The following ABLIM1 variants were observed in gnomAD, a reference collection of about 807,000 sequenced individuals.
The protein encoded by ABLIM1 is actin binding LIM protein 1.
In ABLIM1, 40 loss-of-function variants were observed where a neutral mutation model predicts 107.0. The ratio of observed to expected loss-of-function variants is 0.37; its 90% CI spans 0.29 to 0.49. The LOEUF (loss-of-function observed/expected upper bound fraction) is 0.49. ABLIM1 is among the 20% of genes least tolerant of loss of function. The pLI, the probability that ABLIM1 is intolerant of heterozygous loss-of-function variation, is 0.97. For missense variants in ABLIM1, 857 were observed against 1,008.5 expected (o/e 0.85, Z 2.04); for synonymous variants, 357 against 357.3 (o/e 1.00, Z 0.01).
intron 6 of ABLIM1, among the ~76,000 whole-genome samples, chr10:114,541,899 A>AAC (rs66907896): frequency 0.16 from 24,665 of 150,528 alleles, 2,510 homozygotes; most frequent in East Asian, 0.29. Flanking sequence ...GAAGGGAATC[A>AAC]ACACACACAC....
intron 1 of ABLIM1, among the ~76,000 whole-genome samples, chr10:114,675,439 C>G (rs1436534444): frequency 1.3e-5 from 2 of 152,200 alleles, no homozygotes; most frequent in East Asian, 3.9e-4. Context: ...TGAACATGGT[C>G]TCTTGCCTGC....
chr10:114,644,446 C>T (rs367688510), intron 1 of ABLIM1, among the ~76,000 whole-genome samples: 74 of 149,958 alleles, frequency 4.9e-4, no homozygotes, highest in African/African-American at 1.7e-3. Flanking sequence ...CATGAAAATG[C>T]CATGGAATTC....
chr10:114,445,017 A>G (rs727532), intron 16 of ABLIM1, among the ~76,000 whole-genome samples: 25,274 of 152,200 alleles, frequency 0.17, 2,208 homozygotes, highest in African/African-American at 0.21. Flanking sequence ...CAACACATGC[A>G]CTGCACACAT....
rs1045552534 is a variant in ABLIM1 at position 114,516,950 on chromosome 10, G to A, written c.895-25072C>T. ...GCAGTTCTGGCTGGTGCTTTTCTGG[G>A]ACCTGCGATTAACTAATAGTAGATG... is the stretch of plus-strand genomic sequence containing the variant. On this transcript the variant is annotated intron_variant, in intron 6 of 22. Coordinates refer to ENST00000533213, the MANE Select transcript of ABLIM1 (RefSeq NM_002313.7). Among the ~76,000 whole-genome samples, 7 of 152,204 alleles carry A rather than the reference G, an allele frequency of 4.6e-5. No individual in the cohort carries two copies. In the East Asian group the frequency reaches 1.4e-3, roughly 29 times the overall value.
intron 1 of ABLIM1, among the ~76,000 whole-genome samples, chr10:114,747,792 C>T (rs1298094024): frequency 6.6e-6 from 1 of 152,232 alleles, no homozygotes; most frequent in Non-Finnish European, 1.5e-5. Context: ...GTAATCCCAG[C>T]ACTTTGGGAG....
At chr10:114,481,439 A>G (rs61870098) in intron 8 of ABLIM1, among the ~76,000 whole-genome samples, 2,675 of 151,502 alleles carry the variant, frequency 0.018, 43 homozygotes, top group East Asian at 0.059. Flanking sequence ...ATATAAGGTG[A>G]CTGACACCTT....
intron 6 of ABLIM1, among the ~76,000 whole-genome samples, chr10:114,538,816 T>C (rs2066319363): frequency 6.6e-6 from 1 of 152,116 alleles, no homozygotes; most frequent in Non-Finnish European, 1.5e-5. Context: ...TTGTCCTGAG[T>C]GAACCAGTGC....
At chr10:114,732,184 T>C (rs909776781) in intron 1 of ABLIM1, among the ~76,000 whole-genome samples, 70 of 124,370 alleles carry the variant, frequency 5.6e-4, no homozygotes, top group Admixed American at 9.4e-4. Context: ...TCTTTTCTTT[T>C]TTTTTTTTTT....
intron 1 of ABLIM1, among the ~76,000 whole-genome samples, chr10:114,621,605 T>C (rs1156273637): frequency 6.6e-6 from 1 of 152,182 alleles, no homozygotes; most frequent in Non-Finnish European, 1.5e-5. Flanking sequence ...TAAAGCCTTT[T>C]CTGATTCCCT....
At chr10:114,775,821 T>C in the ABLIM1 span, 1 of 152,146 alleles carries the variant, frequency 6.6e-6, no homozygotes. Context: ...CCCAAAAAAA[T>C]CAGAAAAGAA....
upstream of ABLIM1, among the ~76,000 whole-genome samples, chr10:114,772,091 C>T (rs2083031298): frequency 6.6e-6 from 1 of 152,220 alleles, no homozygotes; most frequent in South Asian, 2.1e-4. Flanking sequence ...CACTGAACTA[C>T]TCAATGGTTT....
upstream of ABLIM1, among the ~76,000 whole-genome samples, chr10:114,689,369 T>TC (rs893074339): frequency 6.7e-6 from 1 of 150,292 alleles, no homozygotes; most frequent in Non-Finnish European, 1.5e-5. Flanking sequence ...TATTGGTTTT[T>TC]TTTTTTTTTT....
the ABLIM1 span, among the ~76,000 whole-genome samples, chr10:114,787,086 T>C: frequency 6.6e-6 from 1 of 150,980 alleles, no homozygotes; most frequent in Non-Finnish European, 1.5e-5. Context: ...ATCTAGGAAG[T>C]GAGGAGCGTC....
intron 1 of ABLIM1, among the ~76,000 whole-genome samples, chr10:114,636,870 C>A (rs2078505038): frequency 6.6e-6 from 1 of 151,696 alleles, no homozygotes; most frequent in South Asian, 2.1e-4. Flanking sequence ...CCATCTCTTC[C>A]AAAAATACAA....
chr10:114,653,101 C>T (rs548358959), intron 1 of ABLIM1, among the ~76,000 whole-genome samples: 52 of 152,330 alleles, frequency 3.4e-4, no homozygotes, highest in Non-Finnish European at 6.5e-4. Context: ...GGGTGTCAGG[C>T]AGACCTAAGC....
At chr10:114,521,197 G>C (rs547349634) in intron 6 of ABLIM1, among the ~76,000 whole-genome samples, 12 of 152,182 alleles carry the variant, frequency 7.9e-5, no homozygotes, top group Middle Eastern at 3.2e-3. Flanking sequence ...CTGGACACCT[G>C]ATGAGGAGGA....
chr10:114,547,509 T>C (rs1406843775), intron 5 of ABLIM1, 141 bp downstream of exon 5: 1 of 1,145,786 alleles, frequency 8.7e-7, no homozygotes, highest in Non-Finnish European at 1.2e-6. Context: ...AAAAGTTTTA[T>C]AGCAACAAGT....
chr10:114,669,917 C>T (rs1179490612), intron 1 of ABLIM1, among the ~76,000 whole-genome samples: 1 of 151,824 alleles, frequency 6.6e-6, no homozygotes, highest in Non-Finnish European at 1.5e-5. Flanking sequence ...ATGGTGCAGC[C>T]GGGAAGAAAA....
At chr10:114,722,259 G>A (rs1216308459) in intron 1 of ABLIM1, among the ~76,000 whole-genome samples, 3 of 152,162 alleles carry the variant, frequency 2.0e-5, no homozygotes, top group African/African-American at 4.8e-5. Flanking sequence ...TATGGTGGAA[G>A]GCAAAGGGGA....
Sources: allele counts gnomAD v4.1 joint callset (sites outside exome capture counted in the v4.1 genomes callset), GRCh38; gene constraint gnomAD v4.1.1; transcripts MANE v1.5; gene names NCBI Gene and HGNC (gene_info 2026-07-23, HGNC 2026-07-21).